Variants in RHOU observed in about 807,000 individuals in gnomAD.
The protein encoded by RHOU is rho-related GTP-binding protein RhoU.
In RHOU, 8 loss-of-function variants were observed where a neutral mutation model predicts 12.6. The observed-to-expected ratio is 0.64, with a 90% CI of 0.37 to 1.15. RHOU has a LOEUF of 1.15. Ranked by LOEUF, RHOU falls within the 50% of genes most tolerant of loss-of-function variation. The pLI, the probability that RHOU is intolerant of heterozygous loss-of-function variation, is 0.01. For synonymous variants in RHOU, 161 were observed against 147.4 expected (o/e 1.09, Z -0.67); for missense variants, 258 against 347.0 (o/e 0.74, Z 2.04).
rs895979523 is a variant in RHOU, at chr1:228,745,830, T to C, written c.*2090T>C. ...CTGGTAAGCGATTTGAAACACTATTTTTATATTAAAGTAAATGGCATGGAG... is the reference window on the plus strand; with the variant it reads ...CTGGTAAGCGATTTGAAACACTATTCTTATATTAAAGTAAATGGCATGGAG... On this transcript the variant is annotated 3_prime_UTR_variant, in exon 3 of 3. Coordinates refer to ENST00000366691, the MANE Select transcript of RHOU (RefSeq NM_021205.6). 6.6e-6 allele frequency: 1 copy of C among 152,238 alleles called. No individual in the cohort carries two copies. The highest frequency in any genetic ancestry group is 1.5e-5 in the Non-Finnish European group (1 of 68,048). 9.4% of individuals were successfully genotyped at this position (152,238 alleles called of 1,614,324 possible). A position where few individuals can be genotyped will look rare whatever the true frequency, so the allele number is the denominator to read the frequency against.
the RHOU span, among the ~76,000 whole-genome samples, chr1:228,664,867 C>G: frequency 6.6e-6 from 1 of 152,012 alleles, no homozygotes; most frequent in African/African-American, 2.4e-5. Context: ...ATCCTGACCT[C>G]AGGTGATCCA....
the RHOU span, among the ~76,000 whole-genome samples, chr1:228,647,074 A>T: frequency 3.3e-5 from 5 of 152,194 alleles, no homozygotes; most frequent in African/African-American, 1.2e-4. Context: ...TTTGAGCCTT[A>T]GAGAGGAAGC....
the RHOU span, among the ~76,000 whole-genome samples, chr1:228,729,053 G>A: frequency 6.6e-6 from 1 of 151,908 alleles, no homozygotes; most frequent in African/African-American, 2.4e-5. Context: ...GCACCACCAC[G>A]CTGGGCTAAT....
the RHOU span, among the ~76,000 whole-genome samples, chr1:228,709,116 A>T: frequency 6.6e-6 from 1 of 152,172 alleles, no homozygotes; most frequent in African/African-American, 2.4e-5. Context: ...TAACTATCCT[A>T]AATATATATG....
the RHOU span, among the ~76,000 whole-genome samples, chr1:228,707,235 GTATA>G: frequency 5.5e-3 from 424 of 76,716 alleles, 2 homozygotes; most frequent in East Asian, 0.01. Context: ...ATATACATAT[GTATA>G]TATATATATA....
intron 2 of RHOU, among the ~76,000 whole-genome samples, chr1:228,742,528 A>C (rs6681268): frequency 0.14 from 21,348 of 152,168 alleles, 1,782 homozygotes; most frequent in East Asian, 0.24. Context: ...GGGTACTGGC[A>C]AGGATAAAGG....
At chr1:228,741,182 TGCA>T (rs1662715292) in intron 2 of RHOU, among the ~76,000 whole-genome samples, 1 of 152,162 alleles carries the variant, frequency 6.6e-6, no homozygotes, top group South Asian at 2.1e-4. Context: ...CAGACTTCTG[TGCA>T]GTGTCCGTAC....
chr1:228,723,324 G>A, the RHOU span, among the ~76,000 whole-genome samples: 2 of 152,360 alleles, frequency 1.3e-5, no homozygotes. Context: ...CCCAAGTGGG[G>A]TGGAAACCAG....
chr1:228,697,202 AAC>A, the RHOU span, among the ~76,000 whole-genome samples: 90 of 152,344 alleles, frequency 5.9e-4, no homozygotes, highest in Non-Finnish European at 1.0e-3. Context: ...AACTGCTTGA[AAC>A]ACAGAGATGT....
the RHOU span, among the ~76,000 whole-genome samples, chr1:228,718,768 G>A: frequency 2.0e-5 from 3 of 152,158 alleles, no homozygotes; most frequent in South Asian, 6.2e-4. Flanking sequence ...TGTGAACCAG[G>A]AGGACCAGGT....
chr1:228,654,170 C>T, the RHOU span, among the ~76,000 whole-genome samples: 211 of 151,588 alleles, frequency 1.4e-3, 1 homozygote, highest in African/African-American at 5.0e-3. Flanking sequence ...AGTACAGTGG[C>T]CCAATCAGCT....
chr1:228,737,577 G>A lies in RHOU; in HGVS notation c.263-96G>A. The A allele has an allele frequency of 8.3e-7, 1 of 1,208,756 alleles. No homozygotes were observed. The highest frequency in any genetic ancestry group is 1.2e-6 in the Non-Finnish European group (1 of 816,276). The allele number at this position is 1,208,756 out of a possible 1,614,324, so 74.9% of individuals were successfully genotyped here. ...GAGGACCTAAAATAGGAGCAAAGGG[G>A]TTTGGAGTGAGAATGATAGTGAAAG... On this transcript the variant is annotated intron_variant, in intron 1 of 2. Coordinates refer to ENST00000366691, the MANE Select transcript of RHOU (RefSeq NM_021205.6). The surrounding 1 kb of genome is among the most constrained non-coding windows in gnomAD (Gnocchi z 4.1).
chr1:228,716,878 G>A, the RHOU span, among the ~76,000 whole-genome samples: 22 of 152,134 alleles, frequency 1.4e-4, no homozygotes, highest in Middle Eastern at 3.4e-3. Context: ...CCATCATGAC[G>A]AACTGTCACT....
the RHOU span, among the ~76,000 whole-genome samples, chr1:228,680,431 C>A: frequency 4.6e-5 from 7 of 152,110 alleles, no homozygotes; most frequent in African/African-American, 1.7e-4. Flanking sequence ...TTTTAAGGAG[C>A]CTCTGGGAGC....
At chr1:228,697,601 C>T in the RHOU span, among the ~76,000 whole-genome samples, 1 of 152,098 alleles carries the variant, frequency 6.6e-6, no homozygotes, top group Non-Finnish European at 1.5e-5. Context: ...CCTCCTTGTC[C>T]CCAAATCCAG....
At chr1:228,662,358 C>T in the RHOU span, among the ~76,000 whole-genome samples, 2 of 152,160 alleles carry the variant, frequency 1.3e-5, no homozygotes, top group Admixed American at 1.3e-4. Flanking sequence ...ATAAATCATG[C>T]TACTATTAAG....
the RHOU span, among the ~76,000 whole-genome samples, chr1:228,729,737 T>G: frequency 2.2e-4 from 33 of 152,218 alleles, no homozygotes; most frequent in African/African-American, 8.0e-4. Flanking sequence ...CTGACTAGTA[T>G]AAAACAACAT....
the RHOU span, among the ~76,000 whole-genome samples, chr1:228,684,810 C>T: frequency 2.6e-5 from 4 of 152,070 alleles, no homozygotes; most frequent in Non-Finnish European, 4.4e-5. Flanking sequence ...CAAAAGGGAA[C>T]GTGGTGCTGT....
the RHOU span, among the ~76,000 whole-genome samples, chr1:228,689,242 G>GTGATCTCGGCTC: frequency 6.6e-6 from 1 of 152,238 alleles, no homozygotes; most frequent in African/African-American, 2.4e-5. Context: ...CGAAGAAGCC[G>GTGATCTCGGCTC]AAGAGTCAAA....
Sources: allele counts gnomAD v4.1 joint callset (sites outside exome capture counted in the v4.1 genomes callset), GRCh38; gene constraint gnomAD v4.1.1; non-coding constraint Gnocchi (gnomAD v3.1); transcripts MANE v1.5; gene names NCBI Gene and HGNC (gene_info 2026-07-23, HGNC 2026-07-21).